Variants in SPATA4 observed in about 807,000 individuals in gnomAD.
SPATA4 encodes spermatogenesis associated 4.
SPATA4 carries 35 observed loss-of-function variants against 31.8 expected under a neutral mutation model. The ratio of observed to expected loss-of-function variants is 1.10; its 90% CI spans 0.84 to 1.46. The LOEUF (loss-of-function observed/expected upper bound fraction) is 1.46. Ranked by LOEUF, SPATA4 falls within the 40% of genes most tolerant of loss-of-function variation. The pLI is 0.00. For missense variants in SPATA4, 394 were observed against 363.1 expected, an observed-to-expected ratio of 1.09 and a Z score of -0.69; for synonymous variants, 126 against 132.4, an observed-to-expected ratio of 0.95 and a Z score of 0.33.
intron 1 of SPATA4, 32 bp downstream of exon 1, chr4:176,195,313 C>G (rs754842882): frequency 2.3e-5 from 37 of 1,603,146 alleles, no homozygotes; most frequent in East Asian, 4.5e-5. Flanking sequence ...GGGCGCCCAC[C>G]GGGGGGGCCT....
intron 1 of SPATA4, 29 bp from the exon 2 acceptor site, chr4:176,193,611 A>G (rs1260153307): frequency 2.5e-6 from 4 of 1,572,782 alleles, no homozygotes; most frequent in Non-Finnish European, 3.4e-6. Context: ...GAAATGAAAT[A>G]AAGTGTAGTT....
intron 2 of SPATA4, among the ~76,000 whole-genome samples, 167 bp from the exon 3 acceptor site, chr4:176,193,243 A>T (rs17672129): frequency 2.3e-3 from 356 of 152,334 alleles, no homozygotes; most frequent in Non-Finnish European, 4.5e-3. Flanking sequence ...ATCAGTATAT[A>T]TCATGCTAAT....
rs1386364698 is a variant in SPATA4 at position 176,192,673 on chromosome 4, G to C, written c.642C>G (p.Ile214Met). Residue 214 changes from isoleucine to methionine, a missense_variant, in exon 4 of 6, where the codon ATC (isoleucine) becomes ATG (methionine). Coordinates refer to ENST00000280191, the MANE Select transcript of SPATA4 (RefSeq NM_144644.4). ...LTNELKAEFL[I>M]LLHMLQRKLG... The stretch of plus-strand genomic sequence containing the variant: ...ATTTTCTTTGCAACATATGTAAAAG[G>C]ATGAGGAACTCCGCTTTAAGTTCAT... The C allele has an allele frequency of 6.2e-7, 1 of 1,613,910 alleles. No individual in the cohort carries two copies. The highest frequency in any genetic ancestry group is 8.5e-7 in the Non-Finnish European group (1 of 1,179,988).
intron 5 of SPATA4, among the ~76,000 whole-genome samples, chr4:176,185,671 A>T (rs1438661274): frequency 6.6e-6 from 1 of 152,206 alleles, no homozygotes; most frequent in East Asian, 1.9e-4. Flanking sequence ...ACTGAAATGA[A>T]GTCCTTTGAA....
At chr4:176,185,427 T>C (rs564569149) in intron 5 of SPATA4, among the ~76,000 whole-genome samples, 1 of 152,132 alleles carries the variant, frequency 6.6e-6, no homozygotes, top group Non-Finnish European at 1.5e-5. Flanking sequence ...TTGAGTGTTA[T>C]AAAAAGAAAA....
intron 5 of SPATA4, among the ~76,000 whole-genome samples, chr4:176,187,877 T>C (rs1051095564): frequency 6.6e-6 from 1 of 152,196 alleles, no homozygotes; most frequent in Non-Finnish European, 1.5e-5. Flanking sequence ...AACTCACCTA[T>C]TTAAGCATAA....
chr4:176,185,755 C>A (rs926226708), intron 5 of SPATA4, among the ~76,000 whole-genome samples: 1 of 152,192 alleles, frequency 6.6e-6, no homozygotes, highest in Admixed American at 6.5e-5. Flanking sequence ...CCACATCATT[C>A]ATTAATTTAC....
rs983934593 is a variant in SPATA4, at chr4:176,193,046, T to A, written c.379A>T (p.Lys127Ter). 3.8e-6 allele frequency: 6 copies of A among 1,597,078 alleles called. No homozygotes were observed. The highest frequency in any genetic ancestry group is 1.4e-5 in the African/African-American group (1 of 73,930). Residue 127 changes from lysine to a stop codon, truncating the protein, a stop_gained, in exon 3 of 6, where the codon AAA (lysine) becomes TAA (stop). Coordinates refer to ENST00000280191, the MANE Select transcript of SPATA4 (RefSeq NM_144644.4). LOFTEE classifies it high-confidence loss of function. ...FLARKKFKLP[K>*]ELIHGTIHCK... Reference sequence around the variant, plus strand: ...TGAATTGTTCCATGGATTAGTTCTTTAGGTAATTTAAATTTTTTTCTTGCC... The same window carrying A: ...TGAATTGTTCCATGGATTAGTTCTTAAGGTAATTTAAATTTTTTTCTTGCC...
At chr4:176,195,017 T>C in intron 1 of SPATA4, 1 of 258,414 alleles carries the variant, frequency 3.9e-6, no homozygotes, top group Non-Finnish European at 7.7e-6. Flanking sequence ...ATTACAGGCA[T>C]GAGCAACTGT....
intron 5 of SPATA4, among the ~76,000 whole-genome samples, chr4:176,185,429 A>T (rs1291892738): frequency 6.6e-6 from 1 of 152,328 alleles, no homozygotes; most frequent in East Asian, 1.9e-4. Context: ...GAGTGTTATA[A>T]AAAGAAAAAA....
chr4:176,187,770 A>C (rs190254982), intron 5 of SPATA4, among the ~76,000 whole-genome samples: 26 of 152,332 alleles, frequency 1.7e-4, no homozygotes, highest in Admixed American at 1.7e-3. Flanking sequence ...GAGAATTCTT[A>C]GTATGCAAGT....
At chr4:176,187,831 C>G (rs752777382) in intron 5 of SPATA4, among the ~76,000 whole-genome samples, 1 of 152,176 alleles carries the variant, frequency 6.6e-6, no homozygotes, top group South Asian at 2.1e-4. Context: ...TACTGAAGAA[C>G]TGAGCTTTGA....
chr4:176,186,807 A>G (rs1335161775), intron 5 of SPATA4, among the ~76,000 whole-genome samples: 1 of 151,704 alleles, frequency 6.6e-6, no homozygotes, highest in African/African-American at 2.4e-5. Context: ...TTAGCATATT[A>G]AAGGTTCTGA....
chr4:176,191,150 C>T (rs1290384614), intron 4 of SPATA4, among the ~76,000 whole-genome samples: 1 of 146,976 alleles, frequency 6.8e-6, no homozygotes, highest in African/African-American at 2.5e-5. Context: ...GGCTGGAGTG[C>T]AGTGGCACAA....
chr4:176,193,608 A>AATAAAGTG, intron 1 of SPATA4, 26 bp from the exon 2 acceptor site: 2 of 1,576,150 alleles, frequency 1.3e-6, no homozygotes, highest in Non-Finnish European at 1.7e-6. Context: ...TAGGAAATGA[A>AATAAAGTG]ATAAAGTGTA....
In SPATA4 at chr4:176,184,789, C is replaced by T; in HGVS notation, c.909G>A (p.Lys303=). The T allele has an allele frequency of 1.9e-6, 3 of 1,587,762 alleles. No individual in the cohort carries two copies. The highest frequency in any genetic ancestry group is 2.6e-6 in the Non-Finnish European group (3 of 1,167,420). Residue 303 remains lysine (K), a synonymous_variant, in exon 6 of 6, where the codon AAG becomes AAA. Transcript: ENST00000280191. ...ATTTGACAGGTGCTTTTCAAGGTTT[C>T]TTGTCCATGTTTCTGATAGGTTTCA... The part of the protein sequence containing the change: ...SAMKPIRNMD[K]KP
intron 5 of SPATA4, among the ~76,000 whole-genome samples, chr4:176,186,387 C>T (rs1752441589): frequency 6.6e-6 from 1 of 152,202 alleles, no homozygotes; most frequent in Non-Finnish European, 1.5e-5. Context: ...AGTTTCCTTT[C>T]CATACCTCCT....
chr4:176,187,747 A>G (rs1419954680), intron 5 of SPATA4, among the ~76,000 whole-genome samples: 1 of 152,236 alleles, frequency 6.6e-6, no homozygotes, highest in Non-Finnish European at 1.5e-5. Flanking sequence ...GACTTCTTGT[A>G]ATACAACTGA....
chr4:176,191,615 T>A (rs1752534268), intron 4 of SPATA4, among the ~76,000 whole-genome samples: 1 of 152,212 alleles, frequency 6.6e-6, no homozygotes, highest in Non-Finnish European at 1.5e-5. Context: ...GTGATAAATA[T>A]CACAGCAAAA....
Sources: gnomAD v4.1 joint callset for allele counts (sites outside exome capture counted in the v4.1 genomes callset) on GRCh38, gnomAD v4.1.1 for gene constraint, MANE v1.5 for transcripts, NCBI Gene and HGNC (gene_info 2026-07-23, HGNC 2026-07-21) for gene names.